DST: variants seen among roughly 807,000 people sequenced by gnomAD.
The protein encoded by DST is bullous pemphigoid antigen.
DST carries 253 observed loss-of-function variants against 875.2 expected under a neutral mutation model. That is an observed-to-expected ratio of 0.29 (90% CI 0.26 to 0.32). The LOEUF (loss-of-function observed/expected upper bound fraction) is 0.32. Ranked by LOEUF, DST falls within the 10% of genes least tolerant of loss-of-function variation. The probability of loss-of-function intolerance (pLI) is 1.00; values close to 1 mark genes in which losing one functional copy is unlikely to be tolerated. For missense variants in DST, 8,287 were observed against 9,111.6 expected (o/e 0.91, Z 3.68); for synonymous variants, 3,124 against 3,197.1 (o/e 0.98, Z 0.77).
intron 36 of DST, chr6:56,615,412 T>C: frequency 6.4e-7 from 1 of 1,570,872 alleles, no homozygotes; most frequent in East Asian, 2.3e-5. Context: ...ATAGAGTATG[T>C]TACATAATTC....
At chr6:56,768,895 C>T (rs2099641701) in intron 4 of DST, among the ~76,000 whole-genome samples, 1 of 152,000 alleles carries the variant, frequency 6.6e-6, no homozygotes, top group African/African-American at 2.4e-5. Flanking sequence ...ATGGTGAAAC[C>T]CCATCTCTAC....
Position 56,609,525 on chromosome 6 carries a change from G to T in DST, c.5284-181C>A, listed in dbSNP as rs140327264. ...AAATGCACAAGTGATCTATGTCAGT[G>T]ATCTATTCAACAGCACAGGATGTGA... On this transcript the variant is annotated intron_variant, in intron 39 of 103. Coordinates refer to ENST00000680361, the MANE Select transcript of DST (RefSeq NM_001374736.1). Among the ~76,000 whole-genome samples the T allele has an allele frequency of 7.9e-5, 12 of 152,308 alleles. 1 individual carries two copies. In the East Asian group the frequency reaches 1.7e-3, roughly 22 times the overall value.
chr6:56,702,412 T>TAC (rs2099313217), intron 7 of DST, among the ~76,000 whole-genome samples: 1 of 151,634 alleles, frequency 6.6e-6, no homozygotes, highest in Non-Finnish European at 1.5e-5. Flanking sequence ...CATATATATA[T>TAC]ACATATGGCA....
intron 61 of DST, chr6:56,540,299 T>C (rs1470589678): frequency 1.3e-5 from 2 of 152,636 alleles, no homozygotes; most frequent in African/African-American, 4.8e-5. Context: ...CTGAAAGCCA[T>C]TGCAGACTGT....
At chr6:56,788,263 C>T (rs1243502169) in intron 4 of DST, among the ~76,000 whole-genome samples, 3 of 150,166 alleles carry the variant, frequency 2.0e-5, no homozygotes. Flanking sequence ...AGTGCAGCGG[C>T]ACGATCTCTG....
chr6:56,600,210 C>T lies in DST; in HGVS notation c.11553G>A (p.Glu3851=), dbSNP rs892611795. 6.2e-7 allele frequency: 1 copy of T among 1,612,000 alleles called. No homozygotes were observed. Among genetic ancestry groups the T allele is most frequent in the Non-Finnish European group, 8.5e-7 (1 of 1,178,750 alleles). The change falls in exon 45 of 104, where the codon GAG becomes GAA. Residue 3851 remains glutamate (E), a synonymous_variant. Transcript: ENST00000680361. ...GTTTCTCTTTATACTCCTGCTGACG[C>T]TCTGCTACAATCTAAAGTGAAGAAA... ...QDLDDQKIVA[E]RQQEYKEKLQ...
At chr6:56,668,999 A>G (rs1008127030) in intron 10 of DST, among the ~76,000 whole-genome samples, 5 of 152,098 alleles carry the variant, frequency 3.3e-5, no homozygotes, top group Non-Finnish European at 7.4e-5. Context: ...ACTTATTAGC[A>G]GTATAAACTT....
chr6:56,800,737 G>A (rs1237997320), intron 4 of DST, among the ~76,000 whole-genome samples: 1 of 152,166 alleles, frequency 6.6e-6, no homozygotes, highest in Non-Finnish European at 1.5e-5. Context: ...TCCTATCTAA[G>A]GTTGGGCATA....
At position 56,539,256 on chromosome 6, in the gene DST, C is replaced by T. The variant is rs184506614; in HGVS notation, c.16609-2316G>A. Among the ~76,000 whole-genome samples the T allele has an allele frequency of 1.8e-3, 278 of 152,128 alleles. 1 individual carries two copies. Among genetic ancestry groups the T allele is most frequent in the Admixed American group, 2.9e-3 (44 of 15,288 alleles). ...TTTCTAAAGTGCCCCCAAAAATATACTAAGGATTTAAAAAGATAACTACTA... is the reference window on the plus strand; with the variant it reads ...TTTCTAAAGTGCCCCCAAAAATATATTAAGGATTTAAAAAGATAACTACTA... On this transcript the variant is annotated intron_variant, in intron 61 of 103. Coordinates refer to ENST00000680361, the MANE Select transcript of DST (RefSeq NM_001374736.1).
At position 56,607,195 on chromosome 6, in the gene DST, G is replaced by A; in HGVS notation, c.7433C>T (p.Ser2478Leu). The change falls in exon 40 of 104, where the codon TCA (serine) becomes TTA (leucine). Residue 2478 changes from serine (S) to leucine (L), a missense_variant. Physicochemically the swap from Ser to Leu is moderately radical, Grantham distance 145 (BLOSUM62 -2). This residue lies in a region of DST where 3,138 missense variants were observed against 3,116.6 expected (regional missense o/e 1.01). Coordinates refer to ENST00000680361, the MANE Select transcript of DST (RefSeq NM_001374736.1). ...AAATTTTTCTCCTATTCTTTGACCT[G>A]ACAACATGGTTTTGTCACTGAATGA... ...ALSFSDKTML[S>L]GQRIGEKFQD... The A allele has an allele frequency of 6.2e-7, 1 of 1,613,374 alleles. No homozygotes were observed. Among genetic ancestry groups the A allele is most frequent in the Non-Finnish European group, 8.5e-7 (1 of 1,179,562 alleles).
Position 56,670,700 on chromosome 6 carries a change from T to G in DST, c.1155A>C (p.Glu385Asp). 3 of 1,608,912 alleles carry G rather than the reference T, an allele frequency of 1.9e-6. No homozygotes were observed. Among genetic ancestry groups the G allele is most frequent in the Non-Finnish European group, 2.5e-6 (3 of 1,177,558 alleles). ...CATCTCTCCAGCAGGTAGTGAAATT[T>G]TCACACCGAATTCCAGCATAACCCT... ...ATEGYAGIRC[E>D]NFTTCWRDGK... Residue 385 changes from glutamate (E) to aspartate (D), a missense_variant, in exon 10 of 104, where the codon GAA (glutamate) becomes GAC (aspartate). Physicochemically the swap from Glu to Asp is conservative, Grantham distance 45 (BLOSUM62 2). Coordinates refer to ENST00000680361, the MANE Select transcript of DST (RefSeq NM_001374736.1).
intron 2 of DST, among the ~76,000 whole-genome samples, chr6:56,907,375 C>A (rs551826324): frequency 6.6e-6 from 1 of 152,264 alleles, no homozygotes; most frequent in African/African-American, 2.4e-5. Flanking sequence ...CTCAGACAAC[C>A]AGGCTGTTTG....
chr6:56,615,646 C>T, intron 36 of DST: 5 of 1,614,030 alleles, frequency 3.1e-6, no homozygotes, highest in Non-Finnish European at 4.2e-6. Flanking sequence ...TTCTTTTTGT[C>T]TGAGGGCATA....
intron 92 of DST, among the ~76,000 whole-genome samples, chr6:56,475,451 T>G (rs2095140088): frequency 6.8e-6 from 1 of 146,520 alleles, no homozygotes; most frequent in Non-Finnish European, 1.5e-5. Flanking sequence ...ATGGCAACAT[T>G]AATTGCTTAA....
intron 3 of DST, among the ~76,000 whole-genome samples, chr6:56,894,760 AC>A (rs1318063857): frequency 6.8e-4 from 34 of 50,046 alleles, no homozygotes; most frequent in African/African-American, 4.2e-3. Flanking sequence ...CAGGGGGCTG[AC>A]CCCCCCTCCC....
intron 9 of DST, among the ~76,000 whole-genome samples, chr6:56,679,223 C>T (rs1269302403): frequency 2.0e-5 from 3 of 152,146 alleles, no homozygotes; most frequent in Non-Finnish European, 4.4e-5. Flanking sequence ...AAGTCCTTCA[C>T]ATCTTTGTCC....
intron 4 of DST, among the ~76,000 whole-genome samples, chr6:56,774,657 G>A (rs1384727411): frequency 6.6e-6 from 1 of 152,104 alleles, no homozygotes; most frequent in Non-Finnish European, 1.5e-5. Context: ...AGAATACCCT[G>A]AAGTCATCAC....
intron 16 of DST, 84 bp from the exon 17 acceptor site, chr6:56,642,185 G>C: frequency 8.3e-7 from 1 of 1,198,332 alleles, no homozygotes; most frequent in Non-Finnish European, 1.2e-6. Flanking sequence ...TATTGGAACA[G>C]AAGCCTACTT....
In DST at chr6:56,850,836, C is replaced by T. The variant is rs932949115; in HGVS notation, c.625+561G>A. Among the ~76,000 whole-genome samples, 6 of 152,286 alleles carry T rather than the reference C, an allele frequency of 3.9e-5. No individual in the cohort carries two copies. In the East Asian group the frequency reaches 5.8e-4, roughly 15 times the overall value. On this transcript the variant is annotated intron_variant, in intron 4 of 103. Coordinates refer to ENST00000680361, the MANE Select transcript of DST (RefSeq NM_001374736.1). ...CTCATGTATTAATTAATCAGGAAGG[C>T]GTGATGGCCAAACCCTCAAAAGCAC...
Sources: gnomAD v4.1 joint callset for allele counts (sites outside exome capture counted in the v4.1 genomes callset) on GRCh38, gnomAD v4.1.1 for gene constraint, gnomAD v4.1.1 regional missense constraint, MANE v1.5 for transcripts, NCBI Gene and HGNC (gene_info 2026-07-23, HGNC 2026-07-21) for gene names.